The following CDC14B variants were observed in gnomAD, a reference collection of about 807,000 sequenced individuals.
The protein encoded by CDC14B is dual specificity protein phosphatase CDC14B.
Under a neutral mutation model 64.2 loss-of-function variants are expected in CDC14B, and 22 were observed. The observed-to-expected ratio is 0.34, with a 90% CI of 0.24 to 0.49. The LOEUF (loss-of-function observed/expected upper bound fraction) is 0.49. CDC14B is among the 20% of genes least tolerant of loss of function. The pLI is 0.99. For synonymous variants in CDC14B, 191 were observed against 215.8 expected (o/e 0.89, Z 1.01); for missense variants, 498 against 629.9 (o/e 0.79, Z 2.24).
chr9:96,576,974 G>A (rs952571057), intron 1 of CDC14B, among the ~76,000 whole-genome samples: 7 of 152,110 alleles, frequency 4.6e-5, no homozygotes, highest in Middle Eastern at 3.4e-3. Flanking sequence ...ATGTTTTGGC[G>A]GGGCACAGTG....
chr9:96,617,161 A>C (rs1847682915), intron 1 of CDC14B, among the ~76,000 whole-genome samples: 1 of 151,858 alleles, frequency 6.6e-6, no homozygotes, highest in Admixed American at 6.6e-5. Context: ...CAAAAGAACA[A>C]AGCTTCCGCA....
At chr9:96,594,611 G>A (rs190799986) in intron 1 of CDC14B, among the ~76,000 whole-genome samples, 1 of 151,550 alleles carries the variant, frequency 6.6e-6, no homozygotes, top group African/African-American at 2.4e-5. Context: ...CAGCTACCCA[G>A]GAGGCTGAGG....
chr9:96,522,313 GGACCAAGGT>G (rs1201455442), intron 12 of CDC14B, among the ~76,000 whole-genome samples, 184 bp downstream of exon 12: 17 of 152,154 alleles, frequency 1.1e-4, no homozygotes. Flanking sequence ...AGGCTCATGA[GGACCAAGGT>G]AAACAAGGGA....
At chr9:96,527,377 C>T (rs546250312) in intron 9 of CDC14B, among the ~76,000 whole-genome samples, 29 of 152,056 alleles carry the variant, frequency 1.9e-4, no homozygotes, top group Admixed American at 3.9e-4. Flanking sequence ...CCAGCCTAGG[C>T]GACAGAGCAA....
intron 7 of CDC14B, among the ~76,000 whole-genome samples, chr9:96,534,979 G>A (rs1230439891): frequency 6.6e-6 from 1 of 152,116 alleles, no homozygotes; most frequent in Non-Finnish European, 1.5e-5. Context: ...AATAAAGGGG[G>A]AAAAACTATC....
At position 96,539,246 on chromosome 9, in the gene CDC14B, T is replaced by C. The variant is rs16911153; in HGVS notation, c.565-106A>G. Reference sequence around the variant, plus strand: ...TCAGGGGCCCCCCAAGAAAGTATTGTCATGATCAGATTACTTTCCACTGAA... The same window carrying C: ...TCAGGGGCCCCCCAAGAAAGTATTGCCATGATCAGATTACTTTCCACTGAA... On this transcript the variant is annotated intron_variant, in intron 6 of 13. Coordinates refer to ENST00000375241, the MANE Select transcript of CDC14B (RefSeq NM_033331.4). 4,254 of 752,700 alleles carry C rather than the reference T, an allele frequency of 5.7e-3. 19 individuals are homozygous for C. The highest frequency in any genetic ancestry group is 6.4e-3 in the Non-Finnish European group (2,750 of 431,138). The allele number at this position is 752,700 out of a possible 1,614,324, so 46.6% of individuals were successfully genotyped here.
intron 1 of CDC14B, among the ~76,000 whole-genome samples, chr9:96,597,505 A>G (rs1387932566): frequency 3.3e-5 from 5 of 151,950 alleles, no homozygotes; most frequent in Admixed American, 2.0e-4. Flanking sequence ...AAAAAAGAAA[A>G]AAAAAAAAAA....
intron 4 of CDC14B, among the ~76,000 whole-genome samples, chr9:96,562,301 G>A (rs572543176): frequency 1.4e-4 from 22 of 152,234 alleles, no homozygotes; most frequent in Non-Finnish European, 2.9e-4. Flanking sequence ...AATTAATAGT[G>A]GGGTCCTGAC....
At chr9:96,522,788 A>C (rs16911061) in intron 11 of CDC14B, among the ~76,000 whole-genome samples, 185 bp from the exon 12 acceptor site, 17,442 of 152,218 alleles carry the variant, frequency 0.11, 3,311 homozygotes, top group African/African-American at 0.39. Context: ...CAGAGACAAC[A>C]CAGCAGCACT....
intron 1 of CDC14B, among the ~76,000 whole-genome samples, chr9:96,570,317 G>A (rs1489036584): frequency 2.0e-5 from 3 of 152,016 alleles, no homozygotes; most frequent in Admixed American, 1.3e-4. Flanking sequence ...TTATAATACC[G>A]TATGTGCTTG....
rs933694085 is a variant in CDC14B at position 96,515,523 on chromosome 9, A to T, written c.1344-5734T>A. On this transcript the variant is annotated intron_variant, in intron 12 of 13. Transcript: ENST00000375241. The surrounding 1 kb of genome is among the most constrained non-coding windows in gnomAD (Gnocchi z 4.3). ...ATCCCATTAATTGAAAAGATTCAGA[A>T]AAAGAACCTTTGAAAATAGGCAAAC... The T allele has an allele frequency of 6.3e-6, 6 of 959,182 alleles. No individual in the cohort carries two copies. The highest frequency in any genetic ancestry group is 8.9e-6 in the Non-Finnish European group (6 of 677,000). 59.4% of individuals were successfully genotyped at this position (959,182 alleles called of 1,614,324 possible). A position where few individuals can be genotyped will look rare whatever the true frequency, so the allele number is the denominator to read the frequency against.
chr9:96,576,816 T>C (rs1173199731), intron 1 of CDC14B, among the ~76,000 whole-genome samples: 1 of 152,050 alleles, frequency 6.6e-6, no homozygotes, highest in African/African-American at 2.4e-5. Flanking sequence ...ACCCAATAGA[T>C]AGAACTGTTT....
chr9:96,540,740 G>A (rs1381082344), intron 6 of CDC14B, among the ~76,000 whole-genome samples: 1 of 152,028 alleles, frequency 6.6e-6, no homozygotes, highest in African/African-American at 2.4e-5. Context: ...CCTGGCAGGG[G>A]CTGCAACTGC....
chr9:96,548,895 G>A (rs7869415), intron 5 of CDC14B, among the ~76,000 whole-genome samples: 23,275 of 151,846 alleles, frequency 0.15, 5,931 homozygotes, highest in African/African-American at 0.53. Context: ...GAACTTATTT[G>A]CTATAAATGA....
intron 1 of CDC14B, among the ~76,000 whole-genome samples, chr9:96,609,879 T>C (rs1261681450): frequency 2.0e-5 from 3 of 152,224 alleles, no homozygotes; most frequent in Non-Finnish European, 4.4e-5. Context: ...AGTTGATATG[T>C]GATCTTATGC....
At chr9:96,591,284 G>T (rs147947574) in intron 1 of CDC14B, among the ~76,000 whole-genome samples, 6 of 152,122 alleles carry the variant, frequency 3.9e-5, no homozygotes, top group African/African-American at 1.4e-4. Flanking sequence ...TTTGTATCTA[G>T]GGTAAGGTAA....
intron 12 of CDC14B, among the ~76,000 whole-genome samples, chr9:96,510,145 A>G (rs1052750540): frequency 6.6e-6 from 1 of 152,224 alleles, no homozygotes; most frequent in South Asian, 2.1e-4. Flanking sequence ...GAAACAAGAC[A>G]CCATTAAGAG....
intron 13 of CDC14B, among the ~76,000 whole-genome samples, chr9:96,508,646 A>G (rs1834501818): frequency 6.6e-6 from 1 of 152,198 alleles, no homozygotes; most frequent in Non-Finnish European, 1.5e-5. Flanking sequence ...CTGCATCCCC[A>G]TGCGAGTGTT....
At position 96,515,062 on chromosome 9, in the gene CDC14B, G is replaced by T; in HGVS notation, c.1344-5273C>A. On this transcript the variant is annotated intron_variant, in intron 12 of 13. Coordinates refer to ENST00000375241, the MANE Select transcript of CDC14B (RefSeq NM_033331.4). This position sits in a 1 kb window ranked among gnomAD's most constrained non-coding sequence, Gnocchi z 4.3. The stretch of plus-strand genomic sequence containing the variant: ...CATTTAGCATCAAGTGCTACACACT[G>T]TACTTACTGTATTCCCTAAAGGGGA... The T allele has an allele frequency of 3.8e-6, 1 of 263,230 alleles. No individual in the cohort carries two copies. The highest frequency in any genetic ancestry group is 5.9e-6 in the Non-Finnish European group (1 of 169,560). The allele number at this position is 263,230 out of a possible 1,614,324, so 16.3% of individuals were successfully genotyped here. A position where few individuals can be genotyped will look rare whatever the true frequency, so the allele number is the denominator to read the frequency against.
Sources: gnomAD v4.1 joint callset for allele counts (sites outside exome capture counted in the v4.1 genomes callset) on GRCh38, gnomAD v4.1.1 for gene constraint, Gnocchi (gnomAD v3.1) non-coding constraint, MANE v1.5 for transcripts, NCBI Gene and HGNC (gene_info 2026-07-23, HGNC 2026-07-21) for gene names.